UNC5D: variants seen among roughly 807,000 people sequenced by gnomAD.
UNC5D encodes the protein netrin receptor UNC5D.
A neutral mutation model predicts 105.4 loss-of-function variants in UNC5D; 39 were observed. The observed-to-expected ratio is 0.37, with a 90% CI of 0.29 to 0.48. The LOEUF (loss-of-function observed/expected upper bound fraction) is 0.48, where lower values mean the gene tolerates loss of function less well. Among genes scored for constraint, UNC5D ranks in the 20% least tolerant of loss-of-function variants. The pLI, the probability that UNC5D is intolerant of heterozygous loss-of-function variation, is 0.98. For missense variants in UNC5D, 991 were observed against 1,202.4 expected, an observed-to-expected ratio of 0.82 and a Z score of 2.60; for synonymous variants, 452 against 450.4, an observed-to-expected ratio of 1.00 and a Z score of -0.04.
intron 1 of UNC5D, among the ~76,000 whole-genome samples, chr8:35,327,733 C>T (rs1810281741): frequency 6.6e-6 from 1 of 152,214 alleles, no homozygotes; most frequent in African/African-American, 2.4e-5. Context: ...GACTCTCTTC[C>T]AATCCAGGAT....
chr8:35,607,719 T>G (rs1291392773), intron 4 of UNC5D, among the ~76,000 whole-genome samples: 1 of 152,164 alleles, frequency 6.6e-6, no homozygotes, highest in African/African-American at 2.4e-5. Flanking sequence ...AAGGGCTTTT[T>G]TCCTCTTTGA....
chr8:35,668,299 C>G (rs1824562541), intron 4 of UNC5D, among the ~76,000 whole-genome samples: 2 of 151,992 alleles, frequency 1.3e-5, no homozygotes, highest in African/African-American at 4.8e-5. Flanking sequence ...ATATTACAGA[C>G]CAGGCAGTAC....
At position 35,759,310 on chromosome 8, in the gene UNC5D, TCTC is replaced by T. The variant is rs1302192765; in HGVS notation, c.2164-7_2164-5del. ...ATTATTGATCTTATTTTCTTTTTCT[TCTC>T]CTATAGGAAGTGGTTTCAGATGAAA... is the stretch of plus-strand genomic sequence containing the variant. On this transcript the variant is annotated splice_region_variant and splice_polypyrimidine_tract_variant and intron_variant, in intron 13 of 16. Transcript: ENST00000404895. 2.5e-6 allele frequency: 4 copies of T among 1,607,452 alleles called. No homozygotes were observed. In the East Asian group the frequency reaches 8.9e-5, roughly 36 times the overall value.
intron 1 of UNC5D, among the ~76,000 whole-genome samples, chr8:35,275,105 AAAC>A (rs1805684329): frequency 6.6e-6 from 1 of 150,824 alleles, no homozygotes; most frequent in Non-Finnish European, 1.5e-5. Context: ...AAAGAAAACA[AAAC>A]AACAACAAAA....
intron 4 of UNC5D, among the ~76,000 whole-genome samples, chr8:35,611,617 GACAACAC>G (rs1318204557): frequency 6.6e-6 from 1 of 152,148 alleles, no homozygotes; most frequent in Non-Finnish European, 1.5e-5. Flanking sequence ...GTGAATGAAT[GACAACAC>G]AAATGTTTCT....
chr8:35,405,271 T>C (rs1804732808), intron 1 of UNC5D, among the ~76,000 whole-genome samples: 1 of 152,102 alleles, frequency 6.6e-6, no homozygotes, highest in Admixed American at 6.5e-5. Flanking sequence ...AGTGGTGGTG[T>C]GTATGATAGA....
At chr8:35,250,485 C>T (rs1585414619) in intron 1 of UNC5D, among the ~76,000 whole-genome samples, 1 of 151,918 alleles carries the variant, frequency 6.6e-6, no homozygotes, top group African/African-American at 2.4e-5. Context: ...AAGCATAGTA[C>T]CCAATAGTTA....
chr8:35,582,433 G>A (rs548556292), intron 3 of UNC5D, among the ~76,000 whole-genome samples: 3 of 152,174 alleles, frequency 2.0e-5, no homozygotes, highest in Non-Finnish European at 2.9e-5. Context: ...TTGAGCGAAA[G>A]TGGTTCCTTA....
chr8:35,451,663 C>T lies in UNC5D; in HGVS notation c.104-97629C>T, dbSNP rs142210656. On this transcript the variant is annotated intron_variant, in intron 1 of 16. Transcript: ENST00000404895. The stretch of plus-strand genomic sequence containing the variant: ...GTTTATCTCTTGTTCTTCTATATTC[C>T]AGTCTGTATGTCCCAGAGGGTCTTG... Among the ~76,000 whole-genome samples, 19 of 152,234 alleles carry T rather than the reference C, an allele frequency of 1.2e-4. No individual in the cohort carries two copies. In the East Asian group the frequency reaches 3.5e-3, roughly 28 times the overall value.
chr8:35,401,254 T>A (rs534443841), intron 1 of UNC5D, among the ~76,000 whole-genome samples: 14 of 151,846 alleles, frequency 9.2e-5, no homozygotes, highest in African/African-American at 3.4e-4. Flanking sequence ...GAGACTGAGG[T>A]GGGAGGATTA....
chr8:35,572,290 A>AC (rs1246265919), intron 3 of UNC5D, among the ~76,000 whole-genome samples: 1 of 150,646 alleles, frequency 6.6e-6, no homozygotes. Context: ...AAAAAAAAAA[A>AC]AAAAAAAAAA....
intron 16 of UNC5D, among the ~76,000 whole-genome samples, chr8:35,780,604 T>C (rs570712472): frequency 6.6e-6 from 1 of 152,268 alleles, no homozygotes; most frequent in East Asian, 1.9e-4. Context: ...GGGAAGATGA[T>C]GAGTACAAGA....
intron 1 of UNC5D, among the ~76,000 whole-genome samples, chr8:35,279,538 C>T (rs1465213206): frequency 6.6e-6 from 1 of 152,170 alleles, no homozygotes; most frequent in Non-Finnish European, 1.5e-5. Context: ...TTGTAGGTCA[C>T]CATGGTGATT....
At chr8:35,524,659 AAAAG>A (rs913353799) in intron 1 of UNC5D, among the ~76,000 whole-genome samples, 1 of 150,208 alleles carries the variant, frequency 6.7e-6, no homozygotes, top group African/African-American at 2.4e-5. Flanking sequence ...AAAAAAAGAA[AAAAG>A]AAAAAAGAAA....
intron 1 of UNC5D, among the ~76,000 whole-genome samples, chr8:35,320,645 C>A (rs908998017): frequency 8.5e-5 from 13 of 152,074 alleles, no homozygotes; most frequent in African/African-American, 2.4e-4. Context: ...GAATTTGGTG[C>A]CTTATTGCTA....
intron 1 of UNC5D, among the ~76,000 whole-genome samples, chr8:35,282,731 A>G (rs1806283180): frequency 6.7e-6 from 1 of 149,876 alleles, no homozygotes; most frequent in African/African-American, 2.4e-5. Flanking sequence ...AAAGCAACCC[A>G]AAGCAGCATA....
chr8:35,533,314 G>T lies in UNC5D; in HGVS notation c.104-15978G>T, dbSNP rs988010956. Among the ~76,000 whole-genome samples the T allele has an allele frequency of 4.3e-3, 650 of 152,010 alleles. 7 individuals are homozygous for T. The highest frequency in any genetic ancestry group is 0.013 in the African/African-American group (541 of 41,448). On this transcript the variant is annotated intron_variant, in intron 1 of 16. Coordinates refer to ENST00000404895, the MANE Select transcript of UNC5D (RefSeq NM_080872.4). ...TGTTGGAATACCCTGCCGTGTGAGGGGTCAGTGTGCCCCTGCTGGGGGGTG... is the reference window on the plus strand; with the variant it reads ...TGTTGGAATACCCTGCCGTGTGAGGTGTCAGTGTGCCCCTGCTGGGGGGTG...
Position 35,343,523 on chromosome 8 carries a change from G to T in UNC5D, c.103+107636G>T, listed in dbSNP as rs540948524. 6.6e-5 allele frequency among the ~76,000 whole-genome samples: 10 copies of T among 151,830 alleles called. No individual in the cohort carries two copies. The South Asian group carries it at 1.9e-3, about 28-fold the overall frequency. ...TTATTGAGGTTTTAGTTTTTTTCTTGATGTTTTGTAAGAGGGCTTAATAGG... is the reference window on the plus strand; with the variant it reads ...TTATTGAGGTTTTAGTTTTTTTCTTTATGTTTTGTAAGAGGGCTTAATAGG... On this transcript the variant is annotated intron_variant, in intron 1 of 16. Transcript: ENST00000404895.
rs1240322381 is a variant in UNC5D at position 35,251,963 on chromosome 8, TACATC to T, written c.103+16077_103+16081del. ...ATTGTAGGAAATATAGCATAGGCATTACATCTAAAGCAAGCTTTCCTAATATTACT... is the reference window on the plus strand; with the variant it reads ...ATTGTAGGAAATATAGCATAGGCATTTAAAGCAAGCTTTCCTAATATTACT... On this transcript the variant is annotated intron_variant, in intron 1 of 16. Coordinates refer to ENST00000404895, the MANE Select transcript of UNC5D (RefSeq NM_080872.4). Among the ~76,000 whole-genome samples the T allele has an allele frequency of 2.6e-5, 4 of 152,038 alleles. 1 individual carries two copies. The highest frequency in any genetic ancestry group is 9.7e-5 in the African/African-American group (4 of 41,450).
Sources: gnomAD v4.1 joint callset for allele counts (sites outside exome capture counted in the v4.1 genomes callset) on GRCh38, gnomAD v4.1.1 for gene constraint, MANE v1.5 for transcripts, NCBI Gene and HGNC (gene_info 2026-07-23, HGNC 2026-07-21) for gene names.